PPOX: variants seen among roughly 807,000 people sequenced by gnomAD.
The protein encoded by PPOX is protoporphyrinogen oxidase.
PPOX carries 23 observed loss-of-function variants against 54.1 expected under a neutral mutation model. The ratio of observed to expected loss-of-function variants is 0.43; its 90% CI spans 0.31 to 0.60. PPOX has a LOEUF of 0.60. PPOX is among the 20% of genes least tolerant of loss of function. PPOX has a pLI of 0.13. For missense variants in PPOX, 512 were observed against 601.1 expected (o/e 0.85, Z 1.55); for synonymous variants, 224 against 236.1 (o/e 0.95, Z 0.47).
chr1:161,176,600 G>T, intron 4 of PPOX: 2 of 542,038 alleles, frequency 3.7e-6, no homozygotes, highest in Non-Finnish European at 6.6e-6. Flanking sequence ...AGTGGTAAAG[G>T]ATAACTAGCT....
chr1:161,175,223 G>T (rs768962319), downstream of PPOX: 1 of 1,612,274 alleles, frequency 6.2e-7, no homozygotes, highest in South Asian at 1.1e-5. Context: ...ACCGACACAG[G>T]ACCCACTGTT....
chr1:161,174,104 G>A, downstream of PPOX: 1 of 1,570,868 alleles, frequency 6.4e-7, no homozygotes. Flanking sequence ...CGGAGAAAAG[G>A]GGGCTAAAGA....
Position 161,171,137 on chromosome 1 carries a change from G to C in PPOX, c.1395G>C (p.Gln465His), listed in dbSNP as rs1414721877. Residue 465 changes from glutamine to histidine, a missense_variant, in exon 13 of 13, where the codon CAG (glutamine) becomes CAC (histidine). Physicochemically the swap from Gln to His is conservative, Grantham distance 24. Transcript: ENST00000367999. ...AVNDCIESGR[Q>H]AAVSVLGTEP... ...ATGACTGTATAGAGAGTGGGCGCCA[G>C]GCAGCAGTCAGTGTCCTGGGCACAG... 1 of 1,613,600 alleles carries C rather than the reference G, an allele frequency of 6.2e-7. No individual in the cohort carries two copies. Among genetic ancestry groups the C allele is most frequent in the African/African-American group, 1.3e-5 (1 of 74,928 alleles).
At chr1:161,170,321 T>TGTG in intron 9 of PPOX, 88 bp from the exon 10 acceptor site, 1 of 367,768 alleles carries the variant, frequency 2.7e-6, no homozygotes, top group Non-Finnish European at 5.3e-6. Flanking sequence ...TGAGACTCTG[T>TGTG]CCCCCCCACC....
Position 161,170,477 on chromosome 1 carries a change from T to C in PPOX, c.1056T>C (p.Ala352=), listed in dbSNP as rs1357642277. Residue 352 remains alanine (A), a synonymous_variant, in exon 10 of 13, where the codon GCT becomes GCC. Coordinates refer to ENST00000367999, the MANE Select transcript of PPOX (RefSeq NM_001122764.3). ...GVLGIVYDSV[A]FPEQDGSPPG... ...TGGGAATCGTGTATGACTCAGTTGC[T>C]TTCCCTGAGCAGGACGGGAGCCCCC... 2 of 1,614,260 alleles carry C rather than the reference T, an allele frequency of 1.2e-6. No homozygotes were observed. The highest frequency in any genetic ancestry group is 2.2e-5 in the East Asian group (1 of 44,888).
rs766896889 is a variant in PPOX, at chr1:161,168,368, G to C, written c.472-64G>C. The C allele has an allele frequency of 6.7e-4, 1,077 of 1,610,686 alleles. 2 individuals are homozygous for C. The highest frequency in any genetic ancestry group is 8.5e-4 in the Non-Finnish European group (1,001 of 1,177,264). ...CCCACCCTCATTCCCTACCAAATAG[G>C]GGCTGTGGAAATCAGTCAGTGTAGA... On this transcript the variant is annotated intron_variant, in intron 5 of 12. Transcript: ENST00000367999.
chr1:161,176,099 G>C, downstream of PPOX: 1 of 1,609,952 alleles, frequency 6.2e-7, no homozygotes, highest in South Asian at 1.1e-5. Flanking sequence ...GGGAATTCTG[G>C]GGGTAGGCAG....
At chr1:161,171,251 TAAG>T, downstream of PPOX, 9 of 1,608,818 alleles carry the variant, frequency 5.6e-6, no homozygotes, top group Non-Finnish European at 6.8e-6. Flanking sequence ...CCTATAGGCA[TAAG>T]AATGCGGGGC....
At chr1:161,172,250 C>T, downstream of PPOX, 1 of 1,614,092 alleles carries the variant, frequency 6.2e-7, no homozygotes, top group South Asian at 1.1e-5. Context: ...CCTCATTGCC[C>T]TTATCTCCTC....
Position 161,169,959 on chromosome 1 carries a change from G to A in PPOX, c.922G>A (p.Ala308Thr), listed in dbSNP as rs985536673. Residue 308 changes from alanine (A) to threonine (T), a missense_variant, in exon 9 of 13, where the codon GCC becomes ACC. Ala to Thr is a moderately conservative substitution (Grantham distance 58). Coordinates refer to ENST00000367999, the MANE Select transcript of PPOX (RefSeq NM_001122764.3). Reference sequence around the variant, plus strand: ...TGCCCCTCTGGCTCGTGCCCTGAGTGCCATCACTGCAGTGTCTGTAGCTGT... The same window carrying A: ...TGCCCCTCTGGCTCGTGCCCTGAGTACCATCACTGCAGTGTCTGTAGCTGT... The part of the protein sequence containing the change: ...EAAPLARALS[A>T]ITAVSVAVVN... 3 of 1,614,046 alleles carry A rather than the reference G, an allele frequency of 1.9e-6. No homozygotes were observed. The African/African-American group carries it at 4.0e-5, about 22-fold the overall frequency.
intron 2 of PPOX, 23 bp from the exon 3 acceptor site, chr1:161,167,077 G>C: frequency 6.2e-7 from 1 of 1,614,186 alleles, no homozygotes; most frequent in African/African-American, 1.3e-5. Flanking sequence ...CGGTGCTGCA[G>C]TGTCTCTCCC....
At chr1:161,173,957 G>T, downstream of PPOX, 2 of 1,614,132 alleles carry the variant, frequency 1.2e-6, no homozygotes, top group Non-Finnish European at 1.7e-6. Context: ...GGTCCACATC[G>T]TGCAAGAACA....
At chr1:161,167,344 C>A (rs751509828) in intron 3 of PPOX, 27 bp from the exon 4 acceptor site, 35 of 1,613,956 alleles carry the variant, frequency 2.2e-5, no homozygotes, top group Non-Finnish European at 2.7e-5. Context: ...CTTAGTTTCT[C>A]CTCTTCTGAG....
intron 4 of PPOX, chr1:161,176,820 C>T (rs1184272643): frequency 1.5e-5 from 23 of 1,525,710 alleles, no homozygotes; most frequent in African/African-American, 2.7e-5. Flanking sequence ...GGGGACAGGA[C>T]AGCTAATGGA....
chr1:161,176,158 G>A, downstream of PPOX: 1 of 1,445,576 alleles, frequency 6.9e-7, no homozygotes, highest in Non-Finnish European at 9.5e-7. Flanking sequence ...TGAAGGTGAT[G>A]CCAGGGGTAA....
chr1:161,171,069 C>T lies in PPOX; in HGVS notation c.1327C>T (p.Pro443Ser). ...GCAATTCCTGACTGCTCACAGGTTG[C>T]CCCTGACTCTGGCTGGAGCCTCCTA... ...ARQFLTAHRLPLTLAGASYEG... is the reference protein window; with the variant it reads ...ARQFLTAHRLSLTLAGASYEG... The change falls in exon 13 of 13, where the codon CCC (proline) becomes TCC (serine). Residue 443 changes from proline to serine, a missense_variant. Physicochemically the swap from Pro to Ser is moderately conservative, Grantham distance 74. Coordinates refer to ENST00000367999, the MANE Select transcript of PPOX (RefSeq NM_001122764.3). The T allele has an allele frequency of 6.2e-7, 1 of 1,614,214 alleles. No homozygotes were observed. The highest frequency in any genetic ancestry group is 8.5e-7 in the Non-Finnish European group (1 of 1,180,044).
At chr1:161,176,076 T>C (rs976733732), downstream of PPOX, 6 of 1,612,406 alleles carry the variant, frequency 3.7e-6, no homozygotes, top group Admixed American at 3.3e-5. Flanking sequence ...GGGTGAGATC[T>C]AGGGAGGGAG....
chr1:161,175,114 G>A (rs1311227510), downstream of PPOX: 2 of 1,614,014 alleles, frequency 1.2e-6, no homozygotes, highest in Admixed American at 1.7e-5. Flanking sequence ...GGCTGTTCGG[G>A]AGCGGGGCTC....
At chr1:161,166,030 C>A (rs1285577616), upstream of PPOX, 2 of 947,044 alleles carry the variant, frequency 2.1e-6, no homozygotes, top group Admixed American at 6.2e-5. Context: ...CCCTAGCTCC[C>A]GTAGGCCCGG....
Sources: gnomAD v4.1 joint callset for allele counts on GRCh38, gnomAD v4.1.1 for gene constraint, MANE v1.5 for transcripts, NCBI Gene and HGNC (gene_info 2026-07-23, HGNC 2026-07-21) for gene names.